The following SEC24D variants were observed in gnomAD, a reference collection of about 807,000 sequenced individuals.
The protein encoded by SEC24D is SEC24 homolog D, COPII component.
A neutral mutation model predicts 116.9 loss-of-function variants in SEC24D; 69 were observed. The ratio of observed to expected loss-of-function variants is 0.59; its 90% CI spans 0.49 to 0.72. The LOEUF (loss-of-function observed/expected upper bound fraction) is 0.72, where lower values mean the gene tolerates loss of function less well. Among genes scored for constraint, SEC24D ranks in the 30% least tolerant of loss-of-function variants. The probability of loss-of-function intolerance (pLI) is 0.00; values close to 1 mark genes in which losing one functional copy is unlikely to be tolerated. For missense variants in SEC24D, 1,131 were observed against 1,264.1 expected, an observed-to-expected ratio of 0.89 and a Z score of 1.60; for synonymous variants, 405 against 442.8, an observed-to-expected ratio of 0.91 and a Z score of 1.07.
At chr4:118,830,738 T>C (rs55869953) in intron 2 of SEC24D, among the ~76,000 whole-genome samples, 6,647 of 152,078 alleles carry the variant, frequency 0.044, 201 homozygotes, top group Non-Finnish European at 0.064. Context: ...GCAAATAGTA[T>C]AGAGGCCTGA....
chr4:118,770,107 G>A (rs778098031), intron 8 of SEC24D, among the ~76,000 whole-genome samples: 6 of 152,094 alleles, frequency 3.9e-5, no homozygotes, highest in Non-Finnish European at 8.8e-5. Flanking sequence ...AGGGGATTCT[G>A]ATACACTCTA....
intron 8 of SEC24D, among the ~76,000 whole-genome samples, chr4:118,770,852 C>T (rs1439273779): frequency 2.0e-5 from 3 of 152,124 alleles, no homozygotes; most frequent in African/African-American, 7.2e-5. Context: ...TGTGTCTAGG[C>T]TATTAAATAC....
chr4:118,784,736 C>A (rs1728584579), intron 8 of SEC24D, among the ~76,000 whole-genome samples: 1 of 124,192 alleles, frequency 8.1e-6, no homozygotes. Flanking sequence ...AACATCCTTC[C>A]CTGCCCCCCC....
At chr4:118,792,201 GTC>G (rs1433886094) in intron 8 of SEC24D, among the ~76,000 whole-genome samples, 1 of 150,608 alleles carries the variant, frequency 6.6e-6, no homozygotes, top group African/African-American at 2.5e-5. Context: ...GGTGAGGAGC[GTC>G]TCTGACCGGC....
chr4:118,774,951 T>C (rs1045404602), intron 8 of SEC24D, among the ~76,000 whole-genome samples: 2 of 152,202 alleles, frequency 1.3e-5, no homozygotes, highest in African/African-American at 4.8e-5. Context: ...CCTGTTACAA[T>C]GGAAGGGGTA....
intron 3 of SEC24D, among the ~76,000 whole-genome samples, chr4:118,818,762 G>GA (rs879511983): frequency 9.5e-4 from 128 of 135,428 alleles, no homozygotes; most frequent in Non-Finnish European, 1.2e-3. Flanking sequence ...CATGTTGCAA[G>GA]AAAAAAAAAA....
chr4:118,781,602 G>C (rs946912987), intron 8 of SEC24D, among the ~76,000 whole-genome samples: 1 of 152,038 alleles, frequency 6.6e-6, no homozygotes, highest in Non-Finnish European at 1.5e-5. Context: ...CTTTGTGGTG[G>C]TCTCTGTATT....
At chr4:118,818,983 T>C (rs542385647) in intron 3 of SEC24D, among the ~76,000 whole-genome samples, 44 of 152,280 alleles carry the variant, frequency 2.9e-4, no homozygotes, top group Non-Finnish European at 5.0e-4. Context: ...TGGAAGAAAA[T>C]GAATAAAAGA....
intron 3 of SEC24D, among the ~76,000 whole-genome samples, chr4:118,821,895 C>T (rs1237080950): frequency 6.6e-6 from 1 of 152,208 alleles, no homozygotes; most frequent in East Asian, 1.9e-4. Context: ...GACTTTTTCA[C>T]TTTTTAACCC....
At chr4:118,728,090 C>T (rs1451529861) in intron 22 of SEC24D, among the ~76,000 whole-genome samples, 3 of 152,062 alleles carry the variant, frequency 2.0e-5, no homozygotes, top group Non-Finnish European at 4.4e-5. Context: ...ATATAATTTT[C>T]TTGGGTTCTA....
intron 21 of SEC24D, 95 bp from the exon 22 acceptor site, chr4:118,728,745 A>G: frequency 1.3e-6 from 1 of 745,814 alleles, no homozygotes; most frequent in Admixed American, 3.1e-5. Context: ...ACATAAAACC[A>G]TGTACTTGAA....
In SEC24D at chr4:118,752,748, A is replaced by C; in HGVS notation, c.1562T>G (p.Leu521Trp). The change falls in exon 12 of 23, where the codon TTG becomes TGG. Residue 521 changes from leucine (L) to tryptophan (W), a missense_variant. Leu to Trp is a moderately conservative substitution (Grantham distance 61, BLOSUM62 -2). Coordinates refer to ENST00000280551, the MANE Select transcript of SEC24D (RefSeq NM_014822.4). Reference protein sequence around the residue: ...VTDVGEVFVPLLDGFLVNYQE... With the variant: ...VTDVGEVFVPWLDGFLVNYQE... Reference sequence around the variant, plus strand: ...ATAGTTGACAAGGAAACCATCCAACAAAGGAACAAAGACTTCTCCAACATC... The same window carrying C: ...ATAGTTGACAAGGAAACCATCCAACCAAGGAACAAAGACTTCTCCAACATC... 6.2e-7 allele frequency: 1 copy of C among 1,611,580 alleles called. No individual in the cohort carries two copies. Among genetic ancestry groups the C allele is most frequent in the Non-Finnish European group, 8.5e-7 (1 of 1,179,214 alleles).
At chr4:118,752,940 G>C in intron 11 of SEC24D, 52 bp from the exon 12 acceptor site, 1 of 1,344,652 alleles carries the variant, frequency 7.4e-7, no homozygotes, top group Non-Finnish European at 1.0e-6. Context: ...TAGATGAAAA[G>C]GAGGTTTCTA....
intron 10 of SEC24D, among the ~76,000 whole-genome samples, chr4:118,760,777 G>A (rs773606780): frequency 1.3e-5 from 2 of 151,802 alleles, no homozygotes; most frequent in Non-Finnish European, 2.9e-5. Flanking sequence ...GTGCGATCTC[G>A]GCTCAGTGCA....
chr4:118,774,332 A>C (rs1728041797), intron 8 of SEC24D, among the ~76,000 whole-genome samples: 1 of 152,142 alleles, frequency 6.6e-6, no homozygotes, highest in African/African-American at 2.4e-5. Context: ...AAAATACTGA[A>C]AAATTTTACT....
In SEC24D at chr4:118,756,288, A is replaced by G. The variant is rs75130692; in HGVS notation, c.1421+1433T>C. Among the ~76,000 whole-genome samples, 581 of 152,282 alleles carry G rather than the reference A, an allele frequency of 3.8e-3. 2 individuals carry two copies. The highest frequency in any genetic ancestry group is 0.013 in the African/African-American group (556 of 41,558). The stretch of plus-strand genomic sequence containing the variant: ...TTAAGAATAGGGTAAGGGAAACTAC[A>G]GTCACAAACACATCTGCAGGCATCA... On this transcript the variant is annotated intron_variant, in intron 11 of 22. Coordinates refer to ENST00000280551, the MANE Select transcript of SEC24D (RefSeq NM_014822.4).
intron 13 of SEC24D, among the ~76,000 whole-genome samples, chr4:118,747,098 T>C (rs942040974): frequency 1.3e-5 from 2 of 152,098 alleles, no homozygotes; most frequent in Non-Finnish European, 2.9e-5. Context: ...TCTACAGGTA[T>C]ATGTACGCTG....
At chr4:118,725,143 T>C (rs577704250) in intron 22 of SEC24D, among the ~76,000 whole-genome samples, 1 of 152,284 alleles carries the variant, frequency 6.6e-6, no homozygotes, top group East Asian at 1.9e-4. Context: ...AATAATAATA[T>C]ATAAGAACAA....
chr4:118,815,537 A>C lies in SEC24D; in HGVS notation c.587T>G (p.Leu196Arg). Residue 196 changes from leucine (L) to arginine (R), a missense_variant, in exon 5 of 23, where the codon CTC (leucine) becomes CGC (arginine). Transcript: ENST00000280551. ...GGCATTTGGAGGAGGAGGCCCAGAG[A>C]GCCCATCTGGTCTGTACATTGGTAG... ...LPLPMYRPDG[L>R]SGPPPPNAQY... The C allele has an allele frequency of 6.2e-7, 1 of 1,614,168 alleles. No homozygotes were observed. Among genetic ancestry groups the C allele is most frequent in the Non-Finnish European group, 8.5e-7 (1 of 1,180,006 alleles).
Sources: allele counts gnomAD v4.1 joint callset (sites outside exome capture counted in the v4.1 genomes callset), GRCh38; gene constraint gnomAD v4.1.1; transcripts MANE v1.5; gene names NCBI Gene and HGNC (gene_info 2026-07-23, HGNC 2026-07-21).